Variants in GNAS observed in about 807,000 individuals in gnomAD.
The protein encoded by GNAS is protein ALEX.
In GNAS, 8 loss-of-function variants were observed where a neutral mutation model predicts 54.5. The ratio of observed to expected loss-of-function variants is 0.15; its 90% CI spans 0.09 to 0.26. The LOEUF is 0.26. Among genes scored for constraint, GNAS ranks in the 10% least tolerant of loss-of-function variants. The pLI is 1.00. For synonymous variants in GNAS, 204 were observed against 191.4 expected, an observed-to-expected ratio of 1.07 and a Z score of -0.54; for missense variants, 170 against 529.8, an observed-to-expected ratio of 0.32 and a Z score of 6.67.
rs1477480999 is a variant in GNAS at position 58,856,300 on chromosome 20, AAC to A, written c.43+15418_43+15419del. The A allele has an allele frequency of 6.5e-6, 1 of 152,964 alleles. No homozygotes were observed. The highest frequency in any genetic ancestry group is 1.5e-5 in the Non-Finnish European group (1 of 68,334). The allele number at this position is 152,964 out of a possible 1,614,324, so 9.5% of individuals were successfully genotyped here. A position where few individuals can be genotyped will look rare whatever the true frequency, so the allele number is the denominator to read the frequency against. ...TGGTCGGGGGATGGGGGAAAGGGGA[AAC>A]ACAACCTGCTGTAGGCAAGTCCGGA... On this transcript the variant is annotated intron_variant, in intron 1 of 12. Transcript: ENST00000306090. The surrounding 1 kb of genome is among the most constrained non-coding windows in gnomAD (Gnocchi z 4.2).
At chr20:58,877,668 T>A (rs1366365444) in intron 1 of GNAS, among the ~76,000 whole-genome samples, 1 of 152,074 alleles carries the variant, frequency 6.6e-6, no homozygotes, top group African/African-American at 2.4e-5. Flanking sequence ...GTTTTAGGAA[T>A]GGGGAAAGAG....
intron 2 of GNAS, among the ~76,000 whole-genome samples, chr20:58,895,994 C>T (rs756064147): frequency 3.3e-5 from 5 of 152,186 alleles, no homozygotes; most frequent in East Asian, 1.9e-4. Context: ...AGCCCCTCTC[C>T]GGGCCAGGTC....
intron 1 of GNAS, chr20:58,854,107 T>A: frequency 6.2e-7 from 1 of 1,612,180 alleles, no homozygotes; most frequent in Non-Finnish European, 8.5e-7. Context: ...CCAGGCGCCA[T>A]CGGCAGCCCA....
chr20:58,840,598 C>T (rs772893248), upstream of GNAS: 2 of 1,610,634 alleles, frequency 1.2e-6, no homozygotes, highest in Non-Finnish European at 1.7e-6. This position sits in a 1 kb window ranked among gnomAD's most constrained non-coding sequence, Gnocchi z 6.0. Flanking sequence ...AGCGTCTGCA[C>T]GCTCTCAAGT....
At chr20:58,862,962 G>GAAAAAAAA (rs542171703) in intron 1 of GNAS, among the ~76,000 whole-genome samples, 2 of 82,320 alleles carry the variant, frequency 2.4e-5, no homozygotes. Flanking sequence ...TATTACACAT[G>GAAAAAAAA]AAAAAAAAAA....
At chr20:58,876,033 C>T (rs550820080) in intron 1 of GNAS, among the ~76,000 whole-genome samples, 6 of 152,184 alleles carry the variant, frequency 3.9e-5, no homozygotes, top group African/African-American at 9.6e-5. Flanking sequence ...GGCTTAGTGG[C>T]GCTTGGGTTG....
upstream of GNAS, chr20:58,839,968 A>G (rs931758983): frequency 1.2e-6 from 1 of 848,608 alleles, no homozygotes; most frequent in Non-Finnish European, 1.9e-6. Flanking sequence ...TCTCCTCACA[A>G]GGAGGTGAGG....
intron 1 of GNAS, among the ~76,000 whole-genome samples, chr20:58,864,773 TCTC>T (rs1276781388): frequency 2.0e-5 from 3 of 152,174 alleles, no homozygotes; most frequent in Non-Finnish European, 4.4e-5. Flanking sequence ...CGCTGTGACT[TCTC>T]CTAGTTAGCT....
intron 6 of GNAS, chr20:58,908,909 A>G: frequency 1.7e-6 from 1 of 579,386 alleles, no homozygotes; most frequent in Non-Finnish European, 3.1e-6. Context: ...GCCACAGGCT[A>G]GCTGCTAGAC....
chr20:58,899,014 G>A, intron 3 of GNAS, 29 bp downstream of exon 3: 2 of 1,569,658 alleles, frequency 1.3e-6, no homozygotes, highest in Non-Finnish European at 1.8e-6. Context: ...AGAAAAAATT[G>A]TTAACAAACC....
At chr20:58,840,260 G>A (rs776589538), upstream of GNAS, 2 of 1,611,624 alleles carry the variant, frequency 1.2e-6, no homozygotes, top group Non-Finnish European at 1.7e-6. This position sits in a 1 kb window ranked among gnomAD's most constrained non-coding sequence, Gnocchi z 6.0. Flanking sequence ...CAACGCCCGT[G>A]CCCAGCAGCG....
chr20:58,857,378 A>G lies in GNAS; in HGVS notation c.43+16492A>G, dbSNP rs2086565522. ...CTAAAGCTACCAAACATTAAATGAC[A>G]ATGCACTGGTTTCCCTGCAGACAAC... On this transcript the variant is annotated intron_variant, in intron 1 of 12. Transcript: ENST00000306090. The surrounding 1 kb of genome is among the most constrained non-coding windows in gnomAD (Gnocchi z 4.1). 6.6e-6 allele frequency among the ~76,000 whole-genome samples: 1 copy of G among 152,232 alleles called. No individual in the cohort carries two copies. The highest frequency in any genetic ancestry group is 1.5e-5 in the Non-Finnish European group (1 of 68,046).
At chr20:58,840,146 C>A (rs750367565), upstream of GNAS, 2 of 1,611,658 alleles carry the variant, frequency 1.2e-6, no homozygotes, top group Admixed American at 3.3e-5. This position sits in a 1 kb window ranked among gnomAD's most constrained non-coding sequence, Gnocchi z 6.0. Flanking sequence ...GCGCCGAGCT[C>A]GCCATAATTA....
Position 58,910,110 on chromosome 20 carries a change from G to C in GNAS, c.970+29G>C, listed in dbSNP as rs748018746. ...TGTATGGCTTCCACTCTTGCTGGCT[G>C]TTCATTGCGGTGGTTCTTTTTCAAA... On this transcript the variant is annotated intron_variant, in intron 11 of 12. Coordinates refer to ENST00000371085, the MANE Select transcript of GNAS (RefSeq NM_000516.7). The surrounding 1 kb of genome is among the most constrained non-coding windows in gnomAD (Gnocchi z 5.8). 5 of 1,610,308 alleles carry C rather than the reference G, an allele frequency of 3.1e-6. No individual in the cohort carries two copies. Among genetic ancestry groups the C allele is most frequent in the South Asian group, 2.2e-5 (2 of 90,990 alleles).
intron 1 of GNAS, chr20:58,854,135 A>G: frequency 6.2e-7 from 1 of 1,612,330 alleles, no homozygotes; most frequent in East Asian, 2.2e-5. Context: ...AGGCTGTCAG[A>G]CCTCCTTCTA....
chr20:58,868,941 C>T (rs549086990), intron 1 of GNAS, among the ~76,000 whole-genome samples: 1 of 152,350 alleles, frequency 6.6e-6, no homozygotes, highest in South Asian at 2.1e-4. Flanking sequence ...AAAATTCACC[C>T]TTGCGCCGGC....
intron 3 of GNAS, among the ~76,000 whole-genome samples, chr20:58,901,301 G>T (rs1731700159): frequency 6.6e-6 from 1 of 152,062 alleles, no homozygotes; most frequent in African/African-American, 2.4e-5. Context: ...TAATACCAAG[G>T]CCGGGGATTC....
rs1483786662 is a variant in GNAS, at chr20:58,883,850, G to GC, written c.44-11758dup. Among the ~76,000 whole-genome samples the GC allele has an allele frequency of 2.6e-5, 4 of 152,202 alleles. No homozygotes were observed. In the East Asian group the frequency reaches 7.7e-4, roughly 29 times the overall value. On this transcript the variant is annotated intron_variant, in intron 1 of 12. Transcript: ENST00000306090. ...CCTCATTGGGAGCTGTGCAGACTGT[G>GC]CCCCGATGGTTAGTTCCCCCCTCAA... is the stretch of plus-strand genomic sequence containing the variant.
rs754941007 is a variant in GNAS at position 58,855,009 on chromosome 20, G to A, written c.43+14123G>A. On this transcript the variant is annotated intron_variant, in intron 1 of 12. Coordinates refer to the GNAS transcript ENST00000306090. ...CGATGACTCCAGCGGAGACGAGTCC[G>A]ACGATGGGACCTCCGGATGCCTCCG... The A allele has an allele frequency of 9.3e-6, 15 of 1,612,686 alleles. 1 individual carries two copies. In the South Asian group the frequency reaches 9.9e-5, roughly 11 times the overall value.
Sources: allele counts gnomAD v4.1 joint callset (sites outside exome capture counted in the v4.1 genomes callset), GRCh38; gene constraint gnomAD v4.1.1; non-coding constraint Gnocchi (gnomAD v3.1); transcripts MANE v1.5; gene names NCBI Gene and HGNC (gene_info 2026-07-23, HGNC 2026-07-21).